Variants in CCDC171 observed in about 807,000 individuals in gnomAD.
CCDC171 encodes coiled-coil domain-containing protein 171.
Under a neutral mutation model 168.2 loss-of-function variants are expected in CCDC171, and 177 were observed. The observed-to-expected ratio is 1.05, with a 90% confidence interval of 0.93 to 1.19. CCDC171 has a LOEUF of 1.19. Among genes scored for constraint, CCDC171 ranks in the 50% most tolerant of loss-of-function variants. The pLI is 0.00. For missense variants in CCDC171, 1,991 were observed against 1,539.0 expected (o/e 1.29, Z -4.91); for synonymous variants, 687 against 540.8 (o/e 1.27, Z -3.75).
intron 6 of CCDC171, among the ~76,000 whole-genome samples, chr9:15,621,924 T>C (rs1356106857): frequency 6.6e-6 from 1 of 152,208 alleles, no homozygotes; most frequent in Non-Finnish European, 1.5e-5. Context: ...ATGTGATATA[T>C]ATACATCATT....
the CCDC171 span, among the ~76,000 whole-genome samples, chr9:16,093,858 G>C: frequency 2.6e-5 from 4 of 152,174 alleles, no homozygotes; most frequent in East Asian, 1.9e-4. Context: ...AGCCTATCCT[G>C]TGTTCCTATA....
chr9:15,600,046 C>T (rs981955789), intron 6 of CCDC171, among the ~76,000 whole-genome samples: 2 of 152,108 alleles, frequency 1.3e-5, no homozygotes, highest in East Asian at 1.9e-4. Flanking sequence ...GTTAGCCATT[C>T]GTCTAATCTT....
chr9:15,678,814 AG>A lies in CCDC171; in HGVS notation c.1134del (p.Lys379ArgfsTer3), dbSNP rs1166831274. ...AAACTAAATGAAGACATCGAGGAAC[AG>A]AAGAAAGTAATTATAGACCTTTCAA... ...NKKLNEDIEE[Q>X]KKVIIDLSKR... On this transcript the variant is annotated frameshift_variant, in exon 10 of 26. Transcript: ENST00000380701. LOFTEE classifies it high-confidence loss of function. 11 of 1,596,528 alleles carry A rather than the reference AG, an allele frequency of 6.9e-6. No homozygotes were observed. Among genetic ancestry groups the A allele is most frequent in the Non-Finnish European group, 9.4e-6 (11 of 1,172,052 alleles).
At chr9:15,814,759 A>G (rs1490804833) in intron 21 of CCDC171, among the ~76,000 whole-genome samples, 1 of 152,146 alleles carries the variant, frequency 6.6e-6, no homozygotes, top group African/African-American at 2.4e-5. Context: ...AAAATTACAG[A>G]TCTACTGATT....
intron 21 of CCDC171, among the ~76,000 whole-genome samples, chr9:15,808,716 G>A (rs552323502): frequency 6.6e-6 from 1 of 152,284 alleles, no homozygotes; most frequent in African/African-American, 2.4e-5. Context: ...GAGATGAAGA[G>A]GTCAGGGAAA....
chr9:15,823,602 T>C (rs1463999844), intron 21 of CCDC171, among the ~76,000 whole-genome samples: 1 of 151,978 alleles, frequency 6.6e-6, no homozygotes, highest in African/African-American at 2.4e-5. Flanking sequence ...GAAAGAAAAA[T>C]AATTGCAAAG....
intron 1 of CCDC171, among the ~76,000 whole-genome samples, chr9:16,049,082 C>T (rs1169816527): frequency 3.3e-5 from 5 of 152,066 alleles, no homozygotes; most frequent in African/African-American, 9.7e-5. Context: ...TTCAGAAAAT[C>T]GCAATCCCAA....
At chr9:15,908,350 T>C (rs1345735501) in intron 24 of CCDC171, among the ~76,000 whole-genome samples, 1 of 152,114 alleles carries the variant, frequency 6.6e-6, no homozygotes, top group African/African-American at 2.4e-5. Context: ...TTCATGTCCT[T>C]TGTAGGGACA....
chr9:15,750,996 C>T (rs1221827812), intron 18 of CCDC171, among the ~76,000 whole-genome samples: 2 of 152,178 alleles, frequency 1.3e-5, no homozygotes, highest in Non-Finnish European at 2.9e-5. Flanking sequence ...TCTCTGTTGG[C>T]AGGTGAGATG....
chr9:15,872,366 T>G (rs1008059097), intron 23 of CCDC171, among the ~76,000 whole-genome samples: 1 of 152,074 alleles, frequency 6.6e-6, no homozygotes, highest in Non-Finnish European at 1.5e-5. Flanking sequence ...ATTTAGAGAA[T>G]ATAAAATGTG....
intron 7 of CCDC171, among the ~76,000 whole-genome samples, chr9:15,654,075 G>A (rs1365634810): frequency 6.6e-6 from 1 of 151,952 alleles, no homozygotes; most frequent in African/African-American, 2.4e-5. Context: ...CGGAATGCCT[G>A]TTATTTTTAA....
chr9:15,642,480 G>A (rs2046718934), intron 7 of CCDC171, among the ~76,000 whole-genome samples: 2 of 150,568 alleles, frequency 1.3e-5, no homozygotes, highest in African/African-American at 4.9e-5. Context: ...TGTTACACTA[G>A]TTCTCCTAGG....
In CCDC171 at chr9:15,995,713, A is replaced by ATGCAG. The variant is rs546170507; in HGVS notation, n.369-24873_369-24872insAGTGC. Among the ~76,000 whole-genome samples, 570 of 152,340 alleles carry ATGCAG rather than the reference A, an allele frequency of 3.7e-3. 2 individuals carry two copies. Among genetic ancestry groups the ATGCAG allele is most frequent in the Non-Finnish European group, 5.3e-3 (360 of 68,026 alleles). ...TTATTTGTTGCTTCATGATCAGCAGATGCTTTAGCACTACAAATCTTTAAA... is the reference window on the plus strand; with the variant it reads ...TTATTTGTTGCTTCATGATCAGCAGATGCAGTGCTTTAGCACTACAAATCTTTAAA... On this transcript the variant is annotated intron_variant and non_coding_transcript_variant, in intron 3 of 9. Coordinates refer to the CCDC171 transcript ENST00000486641.
At chr9:15,563,612 C>T (rs957924272) in intron 1 of CCDC171, among the ~76,000 whole-genome samples, 3 of 152,126 alleles carry the variant, frequency 2.0e-5, no homozygotes, top group African/African-American at 7.2e-5. Flanking sequence ...ACCACTATTT[C>T]CAACCTAGTC....
At chr9:15,955,646 A>G (rs570973496) in intron 25 of CCDC171, among the ~76,000 whole-genome samples, 6 of 152,322 alleles carry the variant, frequency 3.9e-5, no homozygotes, top group South Asian at 4.1e-4. Context: ...CAAGCCTTCA[A>G]TAGACTCCAG....
At chr9:16,045,487 T>C (rs1242407696) in intron 1 of CCDC171, among the ~76,000 whole-genome samples, 4 of 152,188 alleles carry the variant, frequency 2.6e-5, no homozygotes, top group Admixed American at 2.0e-4. Context: ...CGGCTTATTG[T>C]CATGGGTTGT....
chr9:15,683,656 CTAAATTTATGG>C (rs2050190006), intron 10 of CCDC171, among the ~76,000 whole-genome samples: 2 of 151,926 alleles, frequency 1.3e-5, no homozygotes, highest in Non-Finnish European at 2.9e-5. Context: ...GGCTGACTTC[CTAAATTTATGG>C]TATAGGCATA....
chr9:15,613,614 C>T (rs2043867823), intron 6 of CCDC171, among the ~76,000 whole-genome samples: 1 of 150,772 alleles, frequency 6.6e-6, no homozygotes, highest in African/African-American at 2.4e-5. Flanking sequence ...CCTCCGCCTT[C>T]TGGGTTCAAG....
rs111636236 is a variant in CCDC171 at position 15,612,937 on chromosome 9, A to G, written c.676-10330A>G. 1.4e-4 allele frequency among the ~76,000 whole-genome samples: 22 copies of G among 152,258 alleles called. 2 individuals are homozygous for G. The highest frequency in any genetic ancestry group is 5.3e-4 in the African/African-American group (22 of 41,562). On this transcript the variant is annotated intron_variant, in intron 6 of 25. Coordinates refer to ENST00000380701, the MANE Select transcript of CCDC171 (RefSeq NM_173550.4). ...ATGTAATGGTGACAGGATGGTAGAT[A>G]CTCAACTGATGTAGTGGGTGGTCCT... is the stretch of plus-strand genomic sequence containing the variant.
Sources: gnomAD v4.1 joint callset for allele counts (sites outside exome capture counted in the v4.1 genomes callset) on GRCh38, gnomAD v4.1.1 for gene constraint, MANE v1.5 for transcripts, NCBI Gene and HGNC (gene_info 2026-07-23, HGNC 2026-07-21) for gene names.